Variants in BLTP1 observed in about 807,000 individuals in gnomAD.
BLTP1 encodes fragile site-associated protein.
the BLTP1 span, chr4:122,210,984 T>C: frequency 6.2e-7 from 1 of 1,611,480 alleles, no homozygotes; most frequent in South Asian, 1.1e-5. Flanking sequence ...CACGCCCACC[T>C]ATTGATCCCT....
At chr4:122,271,586 G>A in the BLTP1 span, 9 of 1,613,622 alleles carry the variant, frequency 5.6e-6, no homozygotes, top group Non-Finnish European at 7.6e-6. Flanking sequence ...GGATGACTCT[G>A]ATTCAATTAC....
chr4:122,164,495 G>A, the BLTP1 span: 7 of 816,102 alleles, frequency 8.6e-6, no homozygotes, highest in Non-Finnish European at 1.0e-5. Context: ...GAATATCACA[G>A]AAGTGAGACT....
the BLTP1 span, chr4:122,197,174 A>G: frequency 1.0e-6 from 1 of 956,652 alleles, no homozygotes; most frequent in Non-Finnish European, 1.6e-6. Flanking sequence ...TTTTATATGA[A>G]TTAATTTTTT....
the BLTP1 span, chr4:122,344,891 A>C: frequency 3.0e-6 from 3 of 985,030 alleles, no homozygotes; most frequent in Non-Finnish European, 3.6e-6. Flanking sequence ...TAAAACACTA[A>C]AACGGGATGA....
chr4:122,228,456 A>G, the BLTP1 span, among the ~76,000 whole-genome samples: 40 of 152,204 alleles, frequency 2.6e-4, no homozygotes, highest in East Asian at 4.3e-3. Flanking sequence ...GTTTAGGTCT[A>G]TTTTTGTCCA....
chr4:122,182,153 A>G, the BLTP1 span, among the ~76,000 whole-genome samples: 2 of 152,246 alleles, frequency 1.3e-5, no homozygotes, highest in Non-Finnish European at 2.9e-5. Flanking sequence ...TACAGAGAGC[A>G]TACAGAGAGA....
the BLTP1 span, among the ~76,000 whole-genome samples, chr4:122,210,634 CAG>C: frequency 2.6e-5 from 4 of 152,040 alleles, no homozygotes; most frequent in Admixed American, 1.3e-4. Context: ...TTTATGTTAA[CAG>C]AAAGTTTTCA....
At chr4:122,357,138 G>C in the BLTP1 span, 2 of 654,842 alleles carry the variant, frequency 3.1e-6, no homozygotes, top group Non-Finnish European at 3.8e-6. Context: ...TGAGAAAGCT[G>C]ATAAATGTTT....
At chr4:122,341,615 T>C in the BLTP1 span, 2 of 910,770 alleles carry the variant, frequency 2.2e-6, no homozygotes, top group Non-Finnish European at 2.6e-6. Context: ...GAAAACAACA[T>C]AAATGAATAG....
At chr4:122,293,141 T>C in the BLTP1 span, 78 of 977,582 alleles carry the variant, frequency 8.0e-5, no homozygotes, top group Non-Finnish European at 9.0e-5. Context: ...CTTAAACTTA[T>C]ATATTTATGC....
chr4:122,182,748 T>A, the BLTP1 span: 1 of 985,282 alleles, frequency 1.0e-6, no homozygotes, highest in Non-Finnish European at 1.2e-6. Context: ...CATTCACTGC[T>A]CCCTTTCTCC....
the BLTP1 span, among the ~76,000 whole-genome samples, chr4:122,317,620 T>C: frequency 1.3e-5 from 2 of 152,018 alleles, no homozygotes; most frequent in African/African-American, 4.8e-5. Flanking sequence ...CTAATCTGCA[T>C]ATACTTGTAC....
chr4:122,334,587 A>T, the BLTP1 span: 1 of 1,581,038 alleles, frequency 6.3e-7, no homozygotes, highest in South Asian at 1.1e-5. Flanking sequence ...CATTTTAAAA[A>T]TTTTTAGTTA....
chr4:122,339,677 C>G, the BLTP1 span, among the ~76,000 whole-genome samples: 1 of 152,076 alleles, frequency 6.6e-6, no homozygotes, highest in East Asian at 1.9e-4. Context: ...ACTACAAGCG[C>G]TATGACATAA....
the BLTP1 span, chr4:122,315,593 G>A: frequency 1.2e-6 from 2 of 1,614,054 alleles, no homozygotes; most frequent in Non-Finnish European, 1.7e-6. Context: ...GACAGGAGAG[G>A]AAGACATAGA....
At chr4:122,216,079 T>TTGTC in the BLTP1 span, among the ~76,000 whole-genome samples, 10,809 of 141,224 alleles carry the variant, frequency 0.077, 553 homozygotes, top group African/African-American at 0.13. Flanking sequence ...GTATCTATCT[T>TTGTC]TGTCTGTCTA....
chr4:122,201,299 T>A, the BLTP1 span, among the ~76,000 whole-genome samples: 2 of 152,216 alleles, frequency 1.3e-5, no homozygotes, highest in African/African-American at 4.8e-5. Context: ...CATTTTGCAT[T>A]CTTTTCTAAC....
the BLTP1 span, chr4:122,256,041 C>A: frequency 1.0e-6 from 1 of 981,712 alleles, no homozygotes; most frequent in Non-Finnish European, 1.2e-6. Flanking sequence ...AAAATAAATA[C>A]AATCCATCTC....
the BLTP1 span, among the ~76,000 whole-genome samples, chr4:122,205,346 C>G: frequency 6.6e-6 from 1 of 151,774 alleles, no homozygotes; most frequent in African/African-American, 2.4e-5. Context: ...CATCATAAGT[C>G]TGTGAGGTTG....
Sources: allele counts gnomAD v4.1 joint callset (sites outside exome capture counted in the v4.1 genomes callset), GRCh38; gene constraint gnomAD v4.1.1; transcripts MANE v1.5; gene names NCBI Gene and HGNC (gene_info 2026-07-23, HGNC 2026-07-21).